Variants in PRMT3 observed in about 807,000 individuals in gnomAD.
PRMT3 encodes protein arginine methyltransferase 3.
In PRMT3, 62 loss-of-function variants were observed where a neutral mutation model predicts 71.9. The ratio of observed to expected loss-of-function variants is 0.86; its 90% confidence interval spans 0.70 to 1.07. The LOEUF (loss-of-function observed/expected upper bound fraction) is 1.07. Among genes scored for constraint, PRMT3 ranks in the 50% least tolerant of loss-of-function variants. PRMT3 has a pLI of 0.00. For synonymous variants in PRMT3, 213 were observed against 220.4 expected (o/e 0.97, Z 0.30); for missense variants, 663 against 643.0 (o/e 1.03, Z -0.34).
intron 13 of PRMT3, among the ~76,000 whole-genome samples, chr11:20,486,722 A>G (rs895630170): frequency 6.6e-6 from 1 of 152,060 alleles, no homozygotes; most frequent in African/African-American, 2.4e-5. Context: ...ATAACTGCCA[A>G]CCCTGAGTTT....
At chr11:20,388,306 G>T in intron 2 of PRMT3, 152 bp downstream of exon 2, 2 of 1,188,204 alleles carry the variant, frequency 1.7e-6, no homozygotes, top group Middle Eastern at 2.7e-4. Context: ...TGTGGAGAAG[G>T]AGGACCCTCG....
intron 9 of PRMT3, among the ~76,000 whole-genome samples, chr11:20,421,512 C>G (rs1370111557): frequency 6.6e-6 from 1 of 152,090 alleles, no homozygotes; most frequent in South Asian, 2.1e-4. Context: ...TATCTCCTTG[C>G]CATATATTTC....
intron 8 of PRMT3, 83 bp from the exon 9 acceptor site, chr11:20,407,828 C>T (rs1849104709): frequency 7.5e-7 from 1 of 1,340,478 alleles, no homozygotes. Flanking sequence ...TAGCCAGAAA[C>T]ATCATAATAT....
chr11:20,452,125 TGCAGG>T lies in PRMT3; in HGVS notation c.994-2_996del. On this transcript the variant is annotated splice_acceptor_variant and splice_polypyrimidine_tract_variant and coding_sequence_variant and intron_variant, in exon 11 of 16. Transcript: ENST00000331079. LOFTEE classifies it high-confidence loss of function. ...AAACTCTTTTTTTCCCCTTTTTTTATGCAGGGCTATTTTCTTCTGTTTGAGTCTAT... is the reference window on the plus strand; with the variant it reads ...AAACTCTTTTTTTCCCCTTTTTTTATGCTATTTTCTTCTGTTTGAGTCTAT... The T allele has an allele frequency of 6.3e-7, 1 of 1,593,672 alleles. No individual in the cohort carries two copies. Among genetic ancestry groups the T allele is most frequent in the Non-Finnish European group, 8.6e-7 (1 of 1,162,888 alleles).
At chr11:20,446,691 C>A (rs1850038039) in intron 10 of PRMT3, among the ~76,000 whole-genome samples, 2 of 152,086 alleles carry the variant, frequency 1.3e-5, no homozygotes, top group Non-Finnish European at 2.9e-5. Context: ...ATCCTTTAAT[C>A]CAAGAATTCT....
At chr11:20,411,917 T>A (rs1849201694) in intron 9 of PRMT3, among the ~76,000 whole-genome samples, 1 of 152,190 alleles carries the variant, frequency 6.6e-6, no homozygotes, top group African/African-American at 2.4e-5. Context: ...TGATAATGGA[T>A]TTTTAACAAA....
chr11:20,395,879 T>C lies in PRMT3; in HGVS notation c.477T>C (p.Val159=), dbSNP rs996574395. The change falls in exon 6 of 16, where the codon GTT becomes GTC. Residue 159 remains valine (V), a synonymous_variant. Coordinates refer to ENST00000331079, the MANE Select transcript of PRMT3 (RefSeq NM_005788.4). ...GACTCAGTGAAAATACATCTGTTGTTGAAAAATTGAAACATATGGAAGCCA... is the reference window on the plus strand; with the variant it reads ...GACTCAGTGAAAATACATCTGTTGTCGAAAAATTGAAACATATGGAAGCCA... ...PNGLSENTSV[V]EKLKHMEARA... is the part of the protein sequence containing the mutation. 4 of 1,614,024 alleles carry C rather than the reference T, an allele frequency of 2.5e-6. No homozygotes were observed. Among genetic ancestry groups the C allele is most frequent in the South Asian group, 1.1e-5 (1 of 91,086 alleles).
intron 4 of PRMT3, 114 bp from the exon 5 acceptor site, chr11:20,392,783 T>C (rs771529637): frequency 3.8e-5 from 26 of 689,238 alleles, no homozygotes; most frequent in Non-Finnish European, 5.9e-5. Context: ...GGAGACATAC[T>C]GACTTTGTGT....
At chr11:20,446,960 A>G (rs1850044384) in intron 10 of PRMT3, among the ~76,000 whole-genome samples, 1 of 152,194 alleles carries the variant, frequency 6.6e-6, no homozygotes, top group African/African-American at 2.4e-5. Context: ...AATTACTTTG[A>G]AAACTCTCAT....
Position 20,470,466 on chromosome 11 carries a change from A to G in PRMT3, c.1347+5920A>G, listed in dbSNP as rs567163698. ...TGTTTGCATTATTCAGCTCTCACTT[A>G]TAAGTGAGAACATGTGGTGTTTGAT... On this transcript the variant is annotated intron_variant, in intron 13 of 15. Coordinates refer to ENST00000331079, the MANE Select transcript of PRMT3 (RefSeq NM_005788.4). Among the ~76,000 whole-genome samples, 8 of 152,156 alleles carry G rather than the reference A, an allele frequency of 5.3e-5. No individual in the cohort carries two copies. In the South Asian group the frequency reaches 1.5e-3, roughly 28 times the overall value.
intron 7 of PRMT3, among the ~76,000 whole-genome samples, chr11:20,401,915 T>A (rs577613468): frequency 3.3e-5 from 5 of 152,322 alleles, no homozygotes; most frequent in Admixed American, 1.3e-4. Context: ...CTTTTAAACA[T>A]CATTTCCTAC....
chr11:20,485,300 A>G (rs1315292836), intron 13 of PRMT3, among the ~76,000 whole-genome samples: 2 of 152,210 alleles, frequency 1.3e-5, no homozygotes, highest in African/African-American at 4.8e-5. Flanking sequence ...TTCAAATATT[A>G]ATGTTCAAAA....
At chr11:20,450,690 A>T (rs1416442755) in intron 10 of PRMT3, among the ~76,000 whole-genome samples, 3 of 152,166 alleles carry the variant, frequency 2.0e-5, no homozygotes, top group Non-Finnish European at 4.4e-5. Context: ...GTTGCCGGCA[A>T]TTCAGTTCAG....
At chr11:20,501,488 A>G (rs1316491347) in intron 15 of PRMT3, among the ~76,000 whole-genome samples, 1 of 152,172 alleles carries the variant, frequency 6.6e-6, no homozygotes, top group Admixed American at 6.5e-5. Context: ...GCAGGTTAAT[A>G]TTCAAACTTA....
At chr11:20,451,408 T>A (rs1850144749) in intron 10 of PRMT3, among the ~76,000 whole-genome samples, 1 of 152,124 alleles carries the variant, frequency 6.6e-6, no homozygotes, top group Admixed American at 6.6e-5. Context: ...AGTGTGCTCA[T>A]GCACATTATG....
At position 20,493,941 on chromosome 11, in the gene PRMT3, T is replaced by C. The variant is rs781530790; in HGVS notation, c.1370T>C (p.Ile457Thr). ...CAGGCAATTGCTGGCTACTTTGATA[T>C]ATATTTTGAGAAGAATTGCCACAAC... ...MCTAIAGYFDIYFEKNCHNRV... is the reference protein window; with the variant it reads ...MCTAIAGYFDTYFEKNCHNRV... Residue 457 changes from isoleucine (I) to threonine (T), a missense_variant, in exon 14 of 16, where the codon ATA becomes ACA. Transcript: ENST00000331079. The C allele has an allele frequency of 3.1e-6, 5 of 1,590,074 alleles. No homozygotes were observed. The South Asian group carries it at 3.4e-5, about 11-fold the overall frequency.
At chr11:20,426,993 A>G in intron 10 of PRMT3, 128 bp downstream of exon 10, 1 of 1,295,580 alleles carries the variant, frequency 7.7e-7, no homozygotes. Context: ...AAGTAGCTAC[A>G]TTAGATACTA....
chr11:20,409,114 A>G (rs577617379), intron 9 of PRMT3, among the ~76,000 whole-genome samples: 2 of 152,280 alleles, frequency 1.3e-5, no homozygotes, highest in Non-Finnish European at 2.9e-5. Flanking sequence ...AATTTTTTAA[A>G]TTTGATTAAT....
At position 20,452,172 on chromosome 11, in the gene PRMT3, T is replaced by C. The variant is rs139028225; in HGVS notation, c.1036T>C (p.Tyr346His). 369 of 1,611,148 alleles carry C rather than the reference T, an allele frequency of 2.3e-4. No individual in the cohort carries two copies. Among genetic ancestry groups the C allele is most frequent in the Admixed American group, 1.5e-3 (91 of 59,988 alleles). The change falls in exon 11 of 16, where the codon TAT becomes CAT. Residue 346 changes from tyrosine (Y) to histidine (H), a missense_variant. By Grantham distance (83) the Tyr-to-His change is moderately conservative. Transcript: ENST00000331079. ...LFESMLDSVL[Y>H]AKNKYLAKGG... Reference sequence around the variant, plus strand: ...TGAGTCTATGTTAGATTCTGTCCTTTATGCAAAGAACAAATACTTGGCAAA... The same window carrying C: ...TGAGTCTATGTTAGATTCTGTCCTTCATGCAAAGAACAAATACTTGGCAAA...
Sources: allele counts gnomAD v4.1 joint callset (sites outside exome capture counted in the v4.1 genomes callset), GRCh38; gene constraint gnomAD v4.1.1; transcripts MANE v1.5; gene names NCBI Gene and HGNC (gene_info 2026-07-23, HGNC 2026-07-21).